Variants in ENAH observed in about 807,000 individuals in gnomAD.
ENAH encodes protein enabled homolog.
Under a neutral mutation model 78.7 loss-of-function variants are expected in ENAH, and 23 were observed. That is an observed-to-expected ratio of 0.29 (90% CI 0.21 to 0.41). The LOEUF is 0.41. Ranked by LOEUF, ENAH falls within the 10% of genes least tolerant of loss-of-function variation. The pLI is 1.00. For synonymous variants in ENAH, 226 were observed against 241.0 expected (o/e 0.94, Z 0.58); for missense variants, 544 against 691.0 (o/e 0.79, Z 2.39).
At chr1:225,522,399 C>T (rs2096476489) in intron 4 of ENAH, among the ~76,000 whole-genome samples, 1 of 152,150 alleles carries the variant, frequency 6.6e-6, no homozygotes, top group Non-Finnish European at 1.5e-5. Flanking sequence ...GAGAAAAACA[C>T]AAGAAACTGA....
intron 13 of ENAH, among the ~76,000 whole-genome samples, chr1:225,498,034 T>C (rs2096258989): frequency 6.6e-6 from 1 of 152,194 alleles, no homozygotes; most frequent in Non-Finnish European, 1.5e-5. Flanking sequence ...ACTGATTATG[T>C]GGGCTCAAAA....
rs1178176116 is a variant in ENAH, at chr1:225,489,577, A to C, written c.*8198T>G. 1.3e-5 allele frequency: 2 copies of C among 151,278 alleles called. No individual in the cohort carries two copies. The highest frequency in any genetic ancestry group is 4.8e-5 in the African/African-American group (2 of 41,358). 9.4% of individuals were successfully genotyped at this position (151,278 alleles called of 1,614,324 possible). Reference sequence around the variant, plus strand: ...TCTCTTCAAAGATCAAAAGAAGAATAAACCAAAAAAGATTAAAAAAAAAGA... The same window carrying C: ...TCTCTTCAAAGATCAAAAGAAGAATCAACCAAAAAAGATTAAAAAAAAAGA... On this transcript the variant is annotated 3_prime_UTR_variant, in exon 14 of 14. Transcript: ENST00000366843.
chr1:225,556,386 G>A (rs2096666877), intron 2 of ENAH, among the ~76,000 whole-genome samples: 3 of 152,148 alleles, frequency 2.0e-5, no homozygotes, highest in Admixed American at 6.6e-5. Flanking sequence ...GGTACTGTCA[G>A]TCTTTATTTT....
chr1:225,510,329 C>T (rs1306916835), intron 10 of ENAH, among the ~76,000 whole-genome samples: 2 of 152,002 alleles, frequency 1.3e-5, no homozygotes, highest in South Asian at 2.1e-4. Flanking sequence ...AAATTATGAA[C>T]AAATCTGAAT....
chr1:225,579,308 T>C (rs899024510), intron 1 of ENAH, among the ~76,000 whole-genome samples: 1 of 152,256 alleles, frequency 6.6e-6, no homozygotes, highest in Non-Finnish European at 1.5e-5. Context: ...TTATATTTAA[T>C]TTGAAGCTAA....
At chr1:225,611,861 C>T (rs200827820) in intron 1 of ENAH, among the ~76,000 whole-genome samples, 1 of 152,090 alleles carries the variant, frequency 6.6e-6, no homozygotes, top group Admixed American at 6.5e-5. Flanking sequence ...TAAAAAACCA[C>T]AATGAAATCA....
At position 225,517,283 on chromosome 1, in the gene ENAH, G is replaced by A. The variant is rs1268727850; in HGVS notation, c.826C>T (p.Pro276Ser). The part of the protein sequence containing the change: ...SAAAPASVET[P>S]LNSVLGDSSA... The stretch of plus-strand genomic sequence containing the variant: ...GAGTCTCCCAGCACAGAGTTTAGAG[G>A]AGTCTCAACAGAGGCAGGGGCAGCT... Residue 276 changes from proline (P) to serine (S), a missense_variant, in exon 6 of 14, where the codon CCT (proline) becomes TCT (serine). Coordinates refer to ENST00000366843, the MANE Select transcript of ENAH (RefSeq NM_018212.6). 5 of 1,551,910 alleles carry A rather than the reference G, an allele frequency of 3.2e-6. No individual in the cohort carries two copies. Among genetic ancestry groups the A allele is most frequent in the Non-Finnish European group, 2.6e-6 (3 of 1,147,122 alleles).
At chr1:225,605,982 A>G (rs1558895435) in intron 1 of ENAH, among the ~76,000 whole-genome samples, 1 of 152,214 alleles carries the variant, frequency 6.6e-6, no homozygotes, top group Non-Finnish European at 1.5e-5. Flanking sequence ...AAACTACTAC[A>G]ACACTCTTAC....
At chr1:225,503,808 G>A (rs542905670) in intron 11 of ENAH, among the ~76,000 whole-genome samples, 3 of 152,198 alleles carry the variant, frequency 2.0e-5, no homozygotes, top group Admixed American at 2.0e-4. Flanking sequence ...TTTGGCCAGA[G>A]TCTGCTTACA....
At chr1:225,615,766 C>T (rs2148188683) in intron 1 of ENAH, among the ~76,000 whole-genome samples, 1 of 151,324 alleles carries the variant, frequency 6.6e-6, no homozygotes. Flanking sequence ...GCGTCTCTGC[C>T]CGGCCGCCCC....
At chr1:225,641,430 T>C (rs1661038705) in intron 1 of ENAH, among the ~76,000 whole-genome samples, 2 of 137,162 alleles carry the variant, frequency 1.5e-5, no homozygotes, top group South Asian at 2.3e-4. Context: ...AGGCCAAGAG[T>C]TGAAGACTAA....
At chr1:225,499,693 A>T (rs77649911) in intron 12 of ENAH, among the ~76,000 whole-genome samples, 1 of 152,078 alleles carries the variant, frequency 6.6e-6, no homozygotes, top group Non-Finnish European at 1.5e-5. Flanking sequence ...ACAAAGAAAT[A>T]AAAAAACCCC....
At chr1:225,582,098 A>C (rs538864788) in intron 1 of ENAH, among the ~76,000 whole-genome samples, 1 of 152,164 alleles carries the variant, frequency 6.6e-6, no homozygotes, top group East Asian at 1.9e-4. Flanking sequence ...TGAATGGTTT[A>C]GCAACATCCC....
At chr1:225,518,347 GAATA>G (rs2096438405) in intron 5 of ENAH, among the ~76,000 whole-genome samples, 1 of 151,684 alleles carries the variant, frequency 6.6e-6, no homozygotes. Flanking sequence ...ATAAACAGAA[GAATA>G]AATTTAGTTG....
At chr1:225,588,837 G>A (rs775883347) in intron 1 of ENAH, among the ~76,000 whole-genome samples, 2 of 148,174 alleles carry the variant, frequency 1.3e-5, no homozygotes, top group Non-Finnish European at 3.0e-5. Context: ...GAAAAAACTT[G>A]GCAGTTTCTT....
intron 2 of ENAH, among the ~76,000 whole-genome samples, chr1:225,555,411 T>C (rs962344517): frequency 6.6e-6 from 1 of 151,996 alleles, no homozygotes; most frequent in Non-Finnish European, 1.5e-5. Flanking sequence ...TGAAACCCCA[T>C]CTCTACTAAA....
In ENAH at chr1:225,489,482, G is replaced by A. The variant is rs770417862; in HGVS notation, c.*8293C>T. On this transcript the variant is annotated 3_prime_UTR_variant, in exon 14 of 14. Coordinates refer to ENST00000366843, the MANE Select transcript of ENAH (RefSeq NM_018212.6). Reference sequence around the variant, plus strand: ...GATGCATGCTGTCCAGTGCAATAGCGTCTATGACTATAAAACAACTAAAAG... The same window carrying A: ...GATGCATGCTGTCCAGTGCAATAGCATCTATGACTATAAAACAACTAAAAG... 5 of 152,010 alleles carry A rather than the reference G, an allele frequency of 3.3e-5. No individual in the cohort carries two copies. The highest frequency in any genetic ancestry group is 1.9e-4 in the East Asian group (1 of 5,190). The allele number at this position is 152,010 out of a possible 1,614,324, so 9.4% of individuals were successfully genotyped here. A position where few individuals can be genotyped will look rare whatever the true frequency, so the allele number is the denominator to read the frequency against.
chr1:225,616,150 C>T (rs1319494597), intron 1 of ENAH, among the ~76,000 whole-genome samples: 3 of 151,970 alleles, frequency 2.0e-5, no homozygotes, highest in Non-Finnish European at 4.4e-5. Context: ...TAAGAGTCAT[C>T]ACCACTCCCT....
chr1:225,489,834 AG>A lies in ENAH; in HGVS notation c.*7940del, dbSNP rs1165739026. The A allele has an allele frequency of 1.3e-5, 2 of 152,328 alleles. No individual in the cohort carries two copies. The highest frequency in any genetic ancestry group is 1.5e-5 in the Non-Finnish European group (1 of 68,178). 9.4% of individuals were successfully genotyped at this position (152,328 alleles called of 1,614,324 possible). ...TGTGGTGGCGCATGCCTGTAGTCCC[AG>A]CTACTAAGGAGGCTGAGGTAGGAGA... is the stretch of plus-strand genomic sequence containing the variant. On this transcript the variant is annotated 3_prime_UTR_variant, in exon 14 of 14. Transcript: ENST00000366843.
Sources: gnomAD v4.1 joint callset for allele counts (sites outside exome capture counted in the v4.1 genomes callset) on GRCh38, gnomAD v4.1.1 for gene constraint, MANE v1.5 for transcripts, NCBI Gene and HGNC (gene_info 2026-07-23, HGNC 2026-07-21) for gene names.